RYR2: variants seen among roughly 807,000 people sequenced by gnomAD.
RYR2 encodes the protein cardiac muscle ryanodine receptor-calcium release channel.
A neutral mutation model predicts 601.1 loss-of-function variants in RYR2; 227 were observed. The ratio of observed to expected loss-of-function variants is 0.38; its 90% CI spans 0.34 to 0.42. The LOEUF (loss-of-function observed/expected upper bound fraction) is 0.42. RYR2 is among the 10% of genes least tolerant of loss of function. RYR2 has a pLI of 1.00. For synonymous variants in RYR2, 2,223 were observed against 2,175.1 expected (o/e 1.02, Z -0.61); for missense variants, 4,646 against 6,156.5 (o/e 0.75, Z 8.21).
intron 12 of RYR2, among the ~76,000 whole-genome samples, chr1:237,439,491 A>G (rs2927926): frequency 6.6e-6 from 1 of 151,854 alleles, no homozygotes; most frequent in African/African-American, 2.4e-5. Flanking sequence ...TAAAAATACA[A>G]AAATTAGCAG....
intron 27 of RYR2, among the ~76,000 whole-genome samples, chr1:237,557,112 C>T (rs1033232001): frequency 2.0e-5 from 3 of 152,078 alleles, no homozygotes; most frequent in African/African-American, 4.8e-5. Context: ...CTAAAGAACT[C>T]GCTTCCTCTC....
chr1:237,259,832 C>T (rs536024173), intron 1 of RYR2, among the ~76,000 whole-genome samples: 36 of 152,224 alleles, frequency 2.4e-4, no homozygotes, highest in Non-Finnish European at 5.1e-4. Flanking sequence ...GACAGTTACA[C>T]GGTAGTTCAA....
At chr1:237,269,286 G>A (rs555780643) in intron 1 of RYR2, among the ~76,000 whole-genome samples, 5 of 151,418 alleles carry the variant, frequency 3.3e-5, no homozygotes, top group African/African-American at 1.2e-4. Context: ...CAGGTGAGCC[G>A]CCTGCCTCGG....
chr1:237,591,167 TC>T (rs1675143866), intron 31 of RYR2, among the ~76,000 whole-genome samples, 175 bp downstream of exon 31: 1 of 1,918 alleles, frequency 5.2e-4, no homozygotes, highest in Non-Finnish European at 1.8e-3. Flanking sequence ...TCTTCCCCCT[TC>T]TCCTCCTCCC....
chr1:237,525,686 T>A (rs1298899690), intron 24 of RYR2, among the ~76,000 whole-genome samples: 1 of 151,960 alleles, frequency 6.6e-6, no homozygotes, highest in Non-Finnish European at 1.5e-5. Flanking sequence ...CGTGACCTGA[T>A]AATGATTTCT....
intron 2 of RYR2, among the ~76,000 whole-genome samples, chr1:237,312,886 T>G (rs573456211): frequency 2.0e-5 from 3 of 152,342 alleles, no homozygotes; most frequent in Non-Finnish European, 4.4e-5. Flanking sequence ...TTTCCATTTG[T>G]GTCTATACAT....
rs546544762 is a variant in RYR2 at position 237,741,116 on chromosome 1, G to A, written c.11092-1180G>A. Among the ~76,000 whole-genome samples the A allele has an allele frequency of 1.7e-3, 254 of 152,196 alleles. 2 individuals carry two copies. The highest frequency in any genetic ancestry group is 3.1e-3 in the Non-Finnish European group (210 of 68,008). ...GACAATGAAACTGTCCTAGGCCTGC[G>A]TCCCCACCTTTATTTCCTCCTTTGC... On this transcript the variant is annotated intron_variant, in intron 79 of 104. Coordinates refer to ENST00000366574, the MANE Select transcript of RYR2 (RefSeq NM_001035.3).
At chr1:237,582,459 A>G (rs1559063513) in intron 29 of RYR2, among the ~76,000 whole-genome samples, 2 of 152,082 alleles carry the variant, frequency 1.3e-5, no homozygotes, top group South Asian at 2.1e-4. Flanking sequence ...TTAGATTCAG[A>G]AGCTATATGT....
In RYR2 at chr1:237,499,183, C is replaced by T. The variant is rs3766836; in HGVS notation, c.2204-1528C>T. On this transcript the variant is annotated intron_variant, in intron 20 of 104. Coordinates refer to ENST00000366574, the MANE Select transcript of RYR2 (RefSeq NM_001035.3). ...GTAATTGGAGAGTGGCAGTATTTCT[C>T]GGAACAAGGATTGGGCTCATAAGCA... is the stretch of plus-strand genomic sequence containing the variant. Among the ~76,000 whole-genome samples, 1,216 of 152,076 alleles carry T rather than the reference C, an allele frequency of 8.0e-3. 22 individuals are homozygous for T. Among genetic ancestry groups the T allele is most frequent in the East Asian group, 0.045 (230 of 5,158 alleles).
intron 87 of RYR2, among the ~76,000 whole-genome samples, chr1:237,775,075 C>CA (rs5781992): frequency 0.082 from 7,446 of 90,356 alleles, 358 homozygotes; most frequent in East Asian, 0.28. Context: ...CAATAAGAAC[C>CA]AAAAAAAAAA....
At chr1:237,208,962 A>ATATATATATATATATGTG (rs1572207719) in intron 1 of RYR2, among the ~76,000 whole-genome samples, 1 of 103,924 alleles carries the variant, frequency 9.6e-6, no homozygotes, top group African/African-American at 3.2e-5. Context: ...ATATATATAT[A>ATATATATATATATATGTG]TATATATATA....
chr1:237,144,753 A>G (rs774794186), intron 1 of RYR2, among the ~76,000 whole-genome samples: 2 of 152,102 alleles, frequency 1.3e-5, no homozygotes, highest in Non-Finnish European at 2.9e-5. Flanking sequence ...TCCTTGTGCT[A>G]TTTTCCTCAG....
In RYR2 at chr1:237,506,094, A is replaced by C. The variant is rs1420309408; in HGVS notation, c.2614-616A>C. 2.0e-5 allele frequency among the ~76,000 whole-genome samples: 3 copies of C among 151,558 alleles called. No individual in the cohort carries two copies. In the East Asian group the frequency reaches 5.8e-4, roughly 29 times the overall value. On this transcript the variant is annotated intron_variant, in intron 22 of 104. Coordinates refer to ENST00000366574, the MANE Select transcript of RYR2 (RefSeq NM_001035.3). ...GAGCTTGGGGATGATTTCTCATTTT[A>C]AATTATACATTCCTTGGTAGTAGCC...
chr1:237,408,927 T>A (rs1261026073), intron 10 of RYR2, among the ~76,000 whole-genome samples: 1 of 140,842 alleles, frequency 7.1e-6, no homozygotes, highest in Non-Finnish European at 1.6e-5. Context: ...GCATTTAATT[T>A]TTTGGTATTA....
intron 6 of RYR2, among the ~76,000 whole-genome samples, chr1:237,373,446 A>G (rs1700795454): frequency 6.6e-6 from 1 of 152,218 alleles, no homozygotes; most frequent in Non-Finnish European, 1.5e-5. Context: ...CCTGTACCAT[A>G]ATAAGACATT....
chr1:237,271,652 C>A (rs1689694358), intron 2 of RYR2, among the ~76,000 whole-genome samples: 1 of 152,064 alleles, frequency 6.6e-6, no homozygotes, highest in South Asian at 2.1e-4. Flanking sequence ...CCAGAAAGAG[C>A]TATGAAGAGG....
At chr1:237,372,334 T>C (rs1700707602) in intron 6 of RYR2, among the ~76,000 whole-genome samples, 1 of 152,238 alleles carries the variant, frequency 6.6e-6, no homozygotes, top group Admixed American at 6.5e-5. Context: ...ATGCTCATTC[T>C]TAATGAAAAC....
intron 8 of RYR2, 27 bp from the exon 9 acceptor site, chr1:237,387,254 G>A (rs1702019499): frequency 6.2e-7 from 1 of 1,604,580 alleles, no homozygotes; most frequent in Non-Finnish European, 8.5e-7. Context: ...AGCCTGAAGT[G>A]ATGCCTCCTT....
chr1:237,313,985 A>G (rs1354026007), intron 2 of RYR2, among the ~76,000 whole-genome samples: 9 of 137,044 alleles, frequency 6.6e-5, no homozygotes, highest in African/African-American at 1.6e-4. Flanking sequence ...GAAAGATTAC[A>G]TGAATAACGT....
Sources: gnomAD v4.1 joint callset for allele counts (sites outside exome capture counted in the v4.1 genomes callset) on GRCh38, gnomAD v4.1.1 for gene constraint, MANE v1.5 for transcripts, NCBI Gene and HGNC (gene_info 2026-07-23, HGNC 2026-07-21) for gene names.